CTNNA2: variants seen among roughly 807,000 people sequenced by gnomAD.
CTNNA2 encodes catenin alpha 2.
CTNNA2 carries 42 observed loss-of-function variants against 101.0 expected under a neutral mutation model. That is an observed-to-expected ratio of 0.42 (90% confidence interval 0.32 to 0.54). The LOEUF (loss-of-function observed/expected upper bound fraction) is 0.54, where lower values mean the gene tolerates loss of function less well. CTNNA2 is among the 20% of genes least tolerant of loss of function. The pLI, the probability that CTNNA2 is intolerant of heterozygous loss-of-function variation, is 0.14. For synonymous variants in CTNNA2, 450 were observed against 456.4 expected, an observed-to-expected ratio of 0.99 and a Z score of 0.18; for missense variants, 871 against 1,223.1, an observed-to-expected ratio of 0.71 and a Z score of 4.29.
intron 3 of CTNNA2, among the ~76,000 whole-genome samples, chr2:79,817,973 C>T (rs1677664496): frequency 6.6e-6 from 1 of 152,186 alleles, no homozygotes; most frequent in Non-Finnish European, 1.5e-5. Context: ...CTGCTAAAAT[C>T]ACATTTACCA....
intron 4 of CTNNA2, among the ~76,000 whole-genome samples, chr2:79,502,501 T>G (rs866291876): frequency 6.6e-6 from 1 of 152,126 alleles, no homozygotes; most frequent in Non-Finnish European, 1.5e-5. Flanking sequence ...TTTTGAGAAA[T>G]GCATTAGTGA....
At chr2:79,660,061 G>T (rs12998449) in intron 2 of CTNNA2, among the ~76,000 whole-genome samples, 8,000 of 152,056 alleles carry the variant, frequency 0.053, 304 homozygotes, top group Non-Finnish European at 0.072. Flanking sequence ...ATTGAAAACT[G>T]CTAAATCTCT....
chr2:79,290,741 C>T (rs1675780957), intron 2 of CTNNA2, among the ~76,000 whole-genome samples: 1 of 152,150 alleles, frequency 6.6e-6, no homozygotes, highest in Admixed American at 6.5e-5. Context: ...CTTCCCACTC[C>T]ATCTCCCTTC....
intron 2 of CTNNA2, among the ~76,000 whole-genome samples, chr2:79,722,382 AG>A (rs1686544808): frequency 6.6e-6 from 1 of 152,176 alleles, no homozygotes; most frequent in African/African-American, 2.4e-5. Flanking sequence ...AAAGAATCTA[AG>A]GAAGGGATGA....
At chr2:79,728,608 T>A (rs185264796) in intron 2 of CTNNA2, among the ~76,000 whole-genome samples, 1,548 of 152,350 alleles carry the variant, frequency 0.01, 17 homozygotes, top group Non-Finnish European at 0.018. Flanking sequence ...TTTTGGCTTT[T>A]GTTGCCATTG....
At chr2:79,261,511 T>C (rs1185002173) in intron 2 of CTNNA2, among the ~76,000 whole-genome samples, 1 of 152,228 alleles carries the variant, frequency 6.6e-6, no homozygotes, top group Non-Finnish European at 1.5e-5. Context: ...TTCTGGAGGC[T>C]AGAAGTCCAA....
At chr2:80,540,958 G>A (rs1469402979) in intron 9 of CTNNA2, among the ~76,000 whole-genome samples, 1 of 152,146 alleles carries the variant, frequency 6.6e-6, no homozygotes, top group Non-Finnish European at 1.5e-5. Flanking sequence ...CAAATTGCTG[G>A]GATTATAGGC....
intron 1 of CTNNA2, among the ~76,000 whole-genome samples, chr2:79,598,225 G>A (rs1677324097): frequency 6.6e-6 from 1 of 152,126 alleles, no homozygotes; most frequent in South Asian, 2.1e-4. Context: ...AGGACATCTT[G>A]GTTACATCCA....
rs552801050 is a variant in CTNNA2 at position 80,492,435 on chromosome 2, A to G, written c.1291-52547A>G. 5.9e-5 allele frequency among the ~76,000 whole-genome samples: 9 copies of G among 152,334 alleles called. No individual in the cohort carries two copies. In the East Asian group the frequency reaches 1.7e-3, roughly 29 times the overall value. On this transcript the variant is annotated intron_variant, in intron 9 of 18. Transcript: ENST00000402739. ...TGGACTCATACAGATGGGACAGTCC[A>G]TAGTATTTTGAAATTTGTCACTATC...
chr2:79,713,651 T>C (rs1685886242), intron 2 of CTNNA2, among the ~76,000 whole-genome samples: 1 of 152,108 alleles, frequency 6.6e-6, no homozygotes, highest in South Asian at 2.1e-4. Flanking sequence ...GTGGTCTTGA[T>C]AGGACACTGC....
At chr2:80,239,607 T>C (rs1709735611) in intron 7 of CTNNA2, among the ~76,000 whole-genome samples, 1 of 152,006 alleles carries the variant, frequency 6.6e-6, no homozygotes, top group Non-Finnish European at 1.5e-5. Context: ...CAACAATAAC[T>C]AATAATAAAA....
chr2:80,137,063 G>A (rs1310311859), intron 7 of CTNNA2, among the ~76,000 whole-genome samples: 1 of 152,160 alleles, frequency 6.6e-6, no homozygotes, highest in East Asian at 1.9e-4. Context: ...CCCAGGAATT[G>A]CAACAGCTGT....
intron 4 of CTNNA2, among the ~76,000 whole-genome samples, chr2:79,393,283 T>C (rs1460398537): frequency 6.6e-6 from 1 of 152,192 alleles, no homozygotes; most frequent in Non-Finnish European, 1.5e-5. Flanking sequence ...GTTGGTCCTC[T>C]ATGACTGTTA....
At chr2:80,511,224 G>T (rs1688679147) in intron 9 of CTNNA2, among the ~76,000 whole-genome samples, 1 of 152,102 alleles carries the variant, frequency 6.6e-6, no homozygotes, top group Non-Finnish European at 1.5e-5. Context: ...AGGCAAAATT[G>T]TAAAAAATTC....
intron 7 of CTNNA2, among the ~76,000 whole-genome samples, chr2:80,225,535 A>G (rs1199475683): frequency 1.3e-5 from 2 of 152,208 alleles, no homozygotes; most frequent in African/African-American, 4.8e-5. Flanking sequence ...TGTGATGTAT[A>G]TGTTTTAGAG....
intron 7 of CTNNA2, among the ~76,000 whole-genome samples, chr2:80,233,161 C>A (rs1030563010): frequency 7.2e-5 from 11 of 152,068 alleles, no homozygotes; most frequent in African/African-American, 2.4e-4. Context: ...GTCTGCATAC[C>A]TAAGTAATAA....
intron 7 of CTNNA2, among the ~76,000 whole-genome samples, chr2:79,983,471 C>T (rs1193594381): frequency 6.6e-6 from 1 of 152,124 alleles, no homozygotes; most frequent in African/African-American, 2.4e-5. Context: ...TTTAGATACT[C>T]ATGGTGCGTG....
intron 4 of CTNNA2, among the ~76,000 whole-genome samples, chr2:79,404,330 C>A (rs1314932378): frequency 1.3e-5 from 2 of 151,970 alleles, no homozygotes; most frequent in Non-Finnish European, 2.9e-5. Context: ...CTTGTCCCCT[C>A]CCTCCCCAAT....
chr2:79,818,847 A>ATATATATATATATATG (rs1677759995), intron 3 of CTNNA2, among the ~76,000 whole-genome samples: 1 of 137,222 alleles, frequency 7.3e-6, no homozygotes, highest in African/African-American at 2.8e-5. Context: ...ATATATATAT[A>ATATATATATATATATG]TGGATGTATG....
Sources: allele counts gnomAD v4.1 joint callset (sites outside exome capture counted in the v4.1 genomes callset), GRCh38; gene constraint gnomAD v4.1.1; transcripts MANE v1.5; gene names NCBI Gene and HGNC (gene_info 2026-07-23, HGNC 2026-07-21).